RPS6KA5: variants seen among roughly 807,000 people sequenced by gnomAD.
RPS6KA5 encodes ribosomal protein S6 kinase A5.
Under a neutral mutation model 85.5 loss-of-function variants are expected in RPS6KA5, and 27 were observed. That is an observed-to-expected ratio of 0.32 (90% CI 0.23 to 0.44). RPS6KA5 has a LOEUF of 0.44. RPS6KA5 is among the 20% of genes least tolerant of loss of function. The pLI, the probability that RPS6KA5 is intolerant of heterozygous loss-of-function variation, is 1.00. For synonymous variants in RPS6KA5, 334 were observed against 348.2 expected (o/e 0.96, Z 0.46); for missense variants, 811 against 980.9 (o/e 0.83, Z 2.31).
At chr14:90,915,768 T>A (rs117102643) in intron 7 of RPS6KA5, among the ~76,000 whole-genome samples, 5,122 of 152,042 alleles carry the variant, frequency 0.034, 233 homozygotes, top group South Asian at 0.12. Flanking sequence ...ATCAGGCCAC[T>A]ATATCCAGAC....
At chr14:90,969,739 T>C (rs1033148638) in intron 3 of RPS6KA5, among the ~76,000 whole-genome samples, 1 of 152,240 alleles carries the variant, frequency 6.6e-6, no homozygotes, top group African/African-American at 2.4e-5. Flanking sequence ...AAGCTTTCTA[T>C]TTCAAATTCT....
At chr14:90,925,941 C>CAAAAAAAAAAAAAA (rs71117389) in intron 5 of RPS6KA5, among the ~76,000 whole-genome samples, 11 of 73,494 alleles carry the variant, frequency 1.5e-4, no homozygotes, top group Admixed American at 9.1e-4. Context: ...GACCCTGACT[C>CAAAAAAAAAAAAAA]AAAAAAAAAA....
intron 3 of RPS6KA5, among the ~76,000 whole-genome samples, chr14:90,977,732 C>T (rs1229316998): frequency 6.6e-6 from 1 of 152,144 alleles, no homozygotes; most frequent in Non-Finnish European, 1.5e-5. Context: ...GAGGTAGATA[C>T]CCCTAACAAT....
At chr14:90,965,774 T>C (rs10135425) in intron 3 of RPS6KA5, among the ~76,000 whole-genome samples, 9,582 of 151,864 alleles carry the variant, frequency 0.063, 803 homozygotes, top group African/African-American at 0.18. Flanking sequence ...AGGAGGAAGG[T>C]GAAGAGGGCA....
intron 1 of RPS6KA5, among the ~76,000 whole-genome samples, chr14:91,024,412 T>C (rs2041911705): frequency 1.3e-5 from 2 of 152,182 alleles, no homozygotes; most frequent in Admixed American, 1.3e-4. Context: ...TGGTTGGATT[T>C]GGAGGAATAT....
At chr14:90,881,966 C>T (rs747282693) in intron 14 of RPS6KA5, among the ~76,000 whole-genome samples, 1 of 152,066 alleles carries the variant, frequency 6.6e-6, no homozygotes, top group Non-Finnish European at 1.5e-5. Context: ...GAGTTTAATC[C>T]ATTTGCATTT....
intron 1 of RPS6KA5, among the ~76,000 whole-genome samples, chr14:91,019,540 C>A (rs2041654132): frequency 6.6e-6 from 1 of 152,186 alleles, no homozygotes; most frequent in African/African-American, 2.4e-5. Flanking sequence ...GAGTTTGGAC[C>A]TGCCAGTCTC....
chr14:90,964,272 T>C (rs1174729516), intron 3 of RPS6KA5, among the ~76,000 whole-genome samples: 1 of 152,208 alleles, frequency 6.6e-6, no homozygotes, highest in Non-Finnish European at 1.5e-5. Context: ...TGGGCGCCTT[T>C]TTTTATTCCC....
intron 3 of RPS6KA5, among the ~76,000 whole-genome samples, chr14:90,961,789 T>C (rs1820351620): frequency 6.6e-6 from 1 of 152,186 alleles, no homozygotes; most frequent in South Asian, 2.1e-4. Flanking sequence ...CTTGCAGTAG[T>C]GAACCCTGGG....
In RPS6KA5 at chr14:90,859,729, G is replaced by GA. The variant is rs1431872719; in HGVS notation, c.*12344dup. 3 of 152,138 alleles carry GA rather than the reference G, an allele frequency of 2.0e-5. No homozygotes were observed. Among genetic ancestry groups the GA allele is most frequent in the Admixed American group, 6.6e-5 (1 of 15,266 alleles). 9.4% of individuals were successfully genotyped at this position (152,138 alleles called of 1,614,324 possible). A position where few individuals can be genotyped will look rare whatever the true frequency, so the allele number is the denominator to read the frequency against. Reference sequence around the variant, plus strand: ...AAAACGGGAGAGAGAAAACGGATTGGAAAAAACTATTTGAAGAATGACTGG... The same window carrying GA: ...AAAACGGGAGAGAGAAAACGGATTGGAAAAAAACTATTTGAAGAATGACTGG... On this transcript the variant is annotated 3_prime_UTR_variant, in exon 17 of 17. Transcript: ENST00000614987.
At chr14:90,996,593 T>C (rs2040530504) in intron 2 of RPS6KA5, among the ~76,000 whole-genome samples, 1 of 152,112 alleles carries the variant, frequency 6.6e-6, no homozygotes, top group South Asian at 2.1e-4. Flanking sequence ...TATAAATCTA[T>C]TTTTAAAATA....
intron 13 of RPS6KA5, 120 bp from the exon 14 acceptor site, chr14:90,890,798 G>A: frequency 3.7e-6 from 3 of 800,232 alleles, no homozygotes; most frequent in Non-Finnish European, 4.0e-6. Flanking sequence ...GTCTCATGGG[G>A]AGGCGCGAGG....
At chr14:90,877,535 A>G (rs545442799) in intron 14 of RPS6KA5, among the ~76,000 whole-genome samples, 5 of 152,234 alleles carry the variant, frequency 3.3e-5, no homozygotes, top group East Asian at 1.9e-4. Context: ...AAATCTTACA[A>G]CATTCCCCTA....
chr14:91,042,556 CAAT>C (rs2042646662), intron 1 of RPS6KA5, among the ~76,000 whole-genome samples: 1 of 152,036 alleles, frequency 6.6e-6, no homozygotes, highest in Admixed American at 6.6e-5. Flanking sequence ...TTTTAAAAAA[CAAT>C]GATGCTATTT....
chr14:90,970,506 C>A (rs1182506092), intron 3 of RPS6KA5, among the ~76,000 whole-genome samples: 1 of 152,176 alleles, frequency 6.6e-6, no homozygotes, highest in Admixed American at 6.5e-5. Flanking sequence ...CTTGGCATTA[C>A]CTTTACAAAC....
chr14:90,914,309 G>GTT (rs10658805), intron 7 of RPS6KA5, among the ~76,000 whole-genome samples: 44,828 of 81,930 alleles, frequency 0.55, 13,428 homozygotes, highest in East Asian at 0.77. Flanking sequence ...GATCCCTAGG[G>GTT]TTTTTTTTTT....
chr14:90,901,062 A>G (rs1206230056), intron 9 of RPS6KA5, among the ~76,000 whole-genome samples: 1 of 152,210 alleles, frequency 6.6e-6, no homozygotes, highest in Non-Finnish European at 1.5e-5. Context: ...GTTTACAAAC[A>G]TAACTAACTT....
At chr14:91,010,540 C>T (rs910372282) in intron 1 of RPS6KA5, among the ~76,000 whole-genome samples, 2 of 152,166 alleles carry the variant, frequency 1.3e-5, no homozygotes, top group Non-Finnish European at 2.9e-5. Flanking sequence ...AAATGGGCAT[C>T]TAACAGCCCA....
At chr14:91,050,970 G>A (rs958024867) in intron 1 of RPS6KA5, among the ~76,000 whole-genome samples, 1 of 152,044 alleles carries the variant, frequency 6.6e-6, no homozygotes, top group African/African-American at 2.4e-5. Context: ...GCTCATGTCT[G>A]TAATTCCAGC....
Sources: allele counts gnomAD v4.1 joint callset (sites outside exome capture counted in the v4.1 genomes callset), GRCh38; gene constraint gnomAD v4.1.1; transcripts MANE v1.5; gene names NCBI Gene and HGNC (gene_info 2026-07-23, HGNC 2026-07-21).